The following GPC5 variants were observed in gnomAD, a reference collection of about 807,000 sequenced individuals.
GPC5 encodes the protein glypican-5.
In GPC5, 47 loss-of-function variants were observed where a neutral mutation model predicts 53.9. That is an observed-to-expected ratio of 0.87 (90% CI 0.69 to 1.11). The LOEUF is 1.11. Among genes scored for constraint, GPC5 ranks in the 50% most tolerant of loss-of-function variants. The pLI is 0.00. For missense variants in GPC5, 748 were observed against 713.1 expected (o/e 1.05, Z -0.56); for synonymous variants, 286 against 263.3 (o/e 1.09, Z -0.84).
chr13:92,025,132 GC>G (rs1460469945), intron 6 of GPC5, among the ~76,000 whole-genome samples: 1 of 151,202 alleles, frequency 6.6e-6, no homozygotes, highest in East Asian at 1.9e-4. Context: ...TTTTCTTTAA[GC>G]CCCCTTTTGG....
At chr13:92,591,857 G>A (rs927692694) in intron 7 of GPC5, among the ~76,000 whole-genome samples, 2 of 152,118 alleles carry the variant, frequency 1.3e-5, no homozygotes, top group African/African-American at 2.4e-5. Context: ...GGCAGTGATA[G>A]TGCAGCGAAC....
intron 6 of GPC5, among the ~76,000 whole-genome samples, chr13:91,992,803 A>G (rs533659123): frequency 1.3e-5 from 2 of 152,280 alleles, no homozygotes; most frequent in African/African-American, 4.8e-5. Context: ...CATATATATA[A>G]AGCTCAATAA....
At chr13:92,610,521 C>T (rs1233627359) in intron 7 of GPC5, among the ~76,000 whole-genome samples, 2 of 152,122 alleles carry the variant, frequency 1.3e-5, no homozygotes, top group Non-Finnish European at 2.9e-5. Context: ...ACTGAGGCAG[C>T]TTATGCACAC....
Position 92,566,464 on chromosome 13 carries a change from A to T in GPC5, c.1562-299818A>T, listed in dbSNP as rs372563778. 6.4e-4 allele frequency among the ~76,000 whole-genome samples: 98 copies of T among 152,254 alleles called. No homozygotes were observed. In the South Asian group the frequency reaches 0.019, roughly 30 times the overall value. ...GAAAATAAGCTGATGCAGTCAATTC[A>T]TTACATCACAGCCCACAGGCTTTCA... On this transcript the variant is annotated intron_variant, in intron 7 of 7. Transcript: ENST00000377067.
intron 6 of GPC5, among the ~76,000 whole-genome samples, chr13:91,932,870 C>T (rs1402305739): frequency 1.3e-5 from 2 of 151,936 alleles, no homozygotes; most frequent in Middle Eastern, 3.4e-3. Context: ...TCCAACGACA[C>T]CAAAATAGTA....
intron 5 of GPC5, among the ~76,000 whole-genome samples, chr13:91,878,068 C>T (rs1240734048): frequency 6.6e-6 from 1 of 152,036 alleles, no homozygotes; most frequent in Non-Finnish European, 1.5e-5. Flanking sequence ...TATGTGGAAC[C>T]GTAAGTCCAA....
chr13:91,557,650 C>G (rs752113469), intron 2 of GPC5, among the ~76,000 whole-genome samples: 1 of 152,152 alleles, frequency 6.6e-6, no homozygotes, highest in Non-Finnish European at 1.5e-5. Context: ...AAGCACTATT[C>G]ATTCCCAGTA....
chr13:92,669,270 T>A (rs1886670930), intron 7 of GPC5, among the ~76,000 whole-genome samples: 1 of 152,150 alleles, frequency 6.6e-6, no homozygotes, highest in African/African-American at 2.4e-5. Context: ...TTATGGTTAC[T>A]TCCTACTCCA....
intron 6 of GPC5, among the ~76,000 whole-genome samples, chr13:92,029,126 C>A (rs1351251978): frequency 6.6e-6 from 1 of 152,108 alleles, no homozygotes; most frequent in African/African-American, 2.4e-5. Context: ...TTTACTAGCT[C>A]AGTATCACCG....
At chr13:92,357,729 AAG>A (rs905262173) in intron 7 of GPC5, among the ~76,000 whole-genome samples, 3 of 151,518 alleles carry the variant, frequency 2.0e-5, no homozygotes, top group African/African-American at 7.3e-5. Context: ...AGAGCAGAAG[AAG>A]AGAGAGAGGA....
intron 7 of GPC5, among the ~76,000 whole-genome samples, chr13:92,353,556 C>T (rs1355995580): frequency 6.6e-6 from 1 of 152,068 alleles, no homozygotes; most frequent in African/African-American, 2.4e-5. Context: ...TGAAAGGAAG[C>T]TTTTGGTTTG....
intron 6 of GPC5, among the ~76,000 whole-genome samples, chr13:92,086,934 C>A (rs1349300498): frequency 1.1e-4 from 16 of 152,214 alleles, no homozygotes; most frequent in Admixed American, 7.9e-4. Flanking sequence ...GCTGGGATTA[C>A]AAGTGTGAGC....
chr13:92,475,359 G>A (rs1879071787), intron 7 of GPC5, among the ~76,000 whole-genome samples: 1 of 146,754 alleles, frequency 6.8e-6, no homozygotes, highest in African/African-American at 2.5e-5. Flanking sequence ...CCATTTGTTT[G>A]TATCCTCTTT....
At chr13:92,248,805 C>T (rs1211197557) in intron 7 of GPC5, among the ~76,000 whole-genome samples, 2 of 151,942 alleles carry the variant, frequency 1.3e-5, no homozygotes, top group Admixed American at 6.6e-5. Flanking sequence ...TTGCTGTTGG[C>T]GTTTTTGTTT....
chr13:91,523,665 A>G (rs1311999272), intron 2 of GPC5, among the ~76,000 whole-genome samples: 2 of 152,218 alleles, frequency 1.3e-5, no homozygotes, highest in Admixed American at 6.5e-5. Context: ...GACTATAGTT[A>G]ATAATACTAC....
chr13:91,628,284 A>G (rs1313824014), intron 2 of GPC5, among the ~76,000 whole-genome samples: 9 of 152,046 alleles, frequency 5.9e-5, no homozygotes, highest in Non-Finnish European at 1.2e-4. Flanking sequence ...AGTTATCACA[A>G]TAGTTTATAA....
chr13:91,952,173 T>TTC (rs766210462), intron 6 of GPC5, among the ~76,000 whole-genome samples: 21 of 106,870 alleles, frequency 2.0e-4, no homozygotes, highest in African/African-American at 5.5e-4. Context: ...TGATCTCTCT[T>TTC]TCTCTCTCTC....
Position 92,156,314 on chromosome 13 carries a change from C to G in GPC5, c.1561+11325C>G, listed in dbSNP as rs1400292291. On this transcript the variant is annotated intron_variant, in intron 7 of 7. Coordinates refer to ENST00000377067, the MANE Select transcript of GPC5 (RefSeq NM_004466.6). ...TCAGCAGGTTTCAGAGACTTTATTT[C>G]CTTTAGCCTTATAACAGAGCCCTTG... 3.9e-5 allele frequency among the ~76,000 whole-genome samples: 6 copies of G among 152,138 alleles called. No homozygotes were observed. In the East Asian group the frequency reaches 1.2e-3, roughly 29 times the overall value.
intron 7 of GPC5, among the ~76,000 whole-genome samples, chr13:92,162,033 A>G (rs2041993423): frequency 7.3e-6 from 1 of 136,938 alleles, no homozygotes; most frequent in African/African-American, 2.9e-5. Flanking sequence ...AAATTTGCAA[A>G]ATAGTATGGA....
Sources: gnomAD v4.1 joint callset for allele counts (sites outside exome capture counted in the v4.1 genomes callset) on GRCh38, gnomAD v4.1.1 for gene constraint, MANE v1.5 for transcripts, NCBI Gene and HGNC (gene_info 2026-07-23, HGNC 2026-07-21) for gene names.